LINGO2: variants seen among roughly 807,000 people sequenced by gnomAD.
LINGO2 encodes leucine rich repeat and Ig domain containing 2, also known as leucine-rich repeat and immunoglobulin-like domain-containing nogo receptor-interacting protein 2.
In LINGO2, 14 loss-of-function variants were observed where a neutral mutation model predicts 30.6. The observed-to-expected ratio is 0.46, with a 90% CI of 0.30 to 0.72. The LOEUF (loss-of-function observed/expected upper bound fraction) is 0.72, where lower values mean the gene tolerates loss of function less well. Among genes scored for constraint, LINGO2 ranks in the 30% least tolerant of loss-of-function variants. The pLI, the probability that LINGO2 is intolerant of heterozygous loss-of-function variation, is 0.07. For missense variants in LINGO2, 729 were observed against 751.7 expected, an observed-to-expected ratio of 0.97 and a Z score of 0.35; for synonymous variants, 317 against 288.5, an observed-to-expected ratio of 1.10 and a Z score of -1.00.
At chr9:28,112,010 T>G (rs1382696542) in intron 4 of LINGO2, among the ~76,000 whole-genome samples, 1 of 134,206 alleles carries the variant, frequency 7.5e-6, no homozygotes, top group East Asian at 2.3e-4. Context: ...CTGCACCCAC[T>G]AATGTGTCAT....
chr9:28,469,390 G>C (rs1450331997), intron 2 of LINGO2, among the ~76,000 whole-genome samples: 3 of 152,036 alleles, frequency 2.0e-5, no homozygotes, highest in Non-Finnish European at 4.4e-5. Flanking sequence ...GAGATAAAGT[G>C]ATACAGAGAT....
At chr9:28,353,848 T>G (rs1820033053) in intron 3 of LINGO2, among the ~76,000 whole-genome samples, 1 of 152,126 alleles carries the variant, frequency 6.6e-6, no homozygotes, top group South Asian at 2.1e-4. Flanking sequence ...TTCATGTCCT[T>G]TGTAGGGACA....
chr9:29,030,033 G>A, the LINGO2 span, among the ~76,000 whole-genome samples: 2 of 151,960 alleles, frequency 1.3e-5, no homozygotes, highest in Non-Finnish European at 2.9e-5. Flanking sequence ...GGTGTTAGAA[G>A]AAAAAGCTTA....
intron 4 of LINGO2, among the ~76,000 whole-genome samples, chr9:28,048,105 G>C (rs149274851): frequency 6.6e-6 from 1 of 150,800 alleles, no homozygotes; most frequent in Non-Finnish European, 1.5e-5. Flanking sequence ...GTGAGAAGGG[G>C]TAGGAAAATT....
the LINGO2 span, among the ~76,000 whole-genome samples, chr9:28,970,429 A>G: frequency 1.3e-5 from 2 of 152,186 alleles, no homozygotes; most frequent in Non-Finnish European, 2.9e-5. Context: ...ACAAAAAATC[A>G]GGTGAGCACT....
At chr9:29,140,922 C>T in the LINGO2 span, among the ~76,000 whole-genome samples, 1 of 151,966 alleles carries the variant, frequency 6.6e-6, no homozygotes, top group South Asian at 2.1e-4. Context: ...AAATACTGTA[C>T]CCCAGAAACT....
At chr9:28,404,733 C>A (rs1308513635) in intron 2 of LINGO2, among the ~76,000 whole-genome samples, 1 of 152,120 alleles carries the variant, frequency 6.6e-6, no homozygotes, top group East Asian at 1.9e-4. Context: ...ACAATCAGCT[C>A]TTTATTGTAA....
At chr9:28,844,103 C>T in the LINGO2 span, among the ~76,000 whole-genome samples, 871 of 151,810 alleles carry the variant, frequency 5.7e-3, 28 homozygotes, top group African/African-American at 0.02. Context: ...GGCTCATGAC[C>T]GTAATCTCAG....
At chr9:28,124,404 A>G (rs1827183516) in intron 4 of LINGO2, among the ~76,000 whole-genome samples, 1 of 152,194 alleles carries the variant, frequency 6.6e-6, no homozygotes, top group Non-Finnish European at 1.5e-5. Context: ...TCCACTGGCA[A>G]TTTCAAAATC....
the LINGO2 span, among the ~76,000 whole-genome samples, chr9:28,988,276 T>C: frequency 2.0e-5 from 3 of 152,204 alleles, no homozygotes; most frequent in Admixed American, 6.5e-5. Flanking sequence ...TTTCATACAA[T>C]ATAATAGCTT....
the LINGO2 span, among the ~76,000 whole-genome samples, chr9:29,205,856 CAA>C: frequency 1.2e-4 from 18 of 152,260 alleles, no homozygotes; most frequent in Middle Eastern, 3.4e-3. Flanking sequence ...TCCATTGTCC[CAA>C]AAGATTCCTT....
the LINGO2 span, among the ~76,000 whole-genome samples, chr9:29,103,581 G>T: frequency 6.6e-6 from 1 of 151,230 alleles, no homozygotes; most frequent in African/African-American, 2.4e-5. Context: ...TTTATTTTAG[G>T]TATTTAAATA....
At chr9:28,168,034 G>A (rs1828480550) in intron 4 of LINGO2, among the ~76,000 whole-genome samples, 1 of 152,140 alleles carries the variant, frequency 6.6e-6, no homozygotes, top group Non-Finnish European at 1.5e-5. Flanking sequence ...TCCCTGAAAA[G>A]ACAATTTCTC....
intron 1 of LINGO2, among the ~76,000 whole-genome samples, chr9:28,608,703 A>C (rs1228006322): frequency 6.6e-6 from 1 of 151,916 alleles, no homozygotes; most frequent in East Asian, 1.9e-4. Flanking sequence ...ACATTCCTTA[A>C]GCTAAAACTA....
chr9:27,987,294 C>A (rs952952558), intron 5 of LINGO2, among the ~76,000 whole-genome samples: 1 of 151,660 alleles, frequency 6.6e-6, no homozygotes, highest in Non-Finnish European at 1.5e-5. Flanking sequence ...CCCGTCTTTC[C>A]TTCCTCTCTT....
At chr9:28,040,208 C>T (rs1391724407) in intron 4 of LINGO2, among the ~76,000 whole-genome samples, 1 of 152,128 alleles carries the variant, frequency 6.6e-6, no homozygotes, top group Non-Finnish European at 1.5e-5. Flanking sequence ...TAGAAGCTAG[C>T]TGCAGTCTCT....
intron 4 of LINGO2, among the ~76,000 whole-genome samples, chr9:28,051,745 T>C (rs1824684651): frequency 6.6e-6 from 1 of 152,076 alleles, no homozygotes; most frequent in African/African-American, 2.4e-5. Flanking sequence ...TTCTTTCCAA[T>C]AACTCAGCAT....
intron 4 of LINGO2, among the ~76,000 whole-genome samples, chr9:28,087,878 T>C (rs1455118948): frequency 6.6e-6 from 1 of 152,092 alleles, no homozygotes; most frequent in Non-Finnish European, 1.5e-5. Flanking sequence ...CCTCCATGGC[T>C]ACCTAAGATA....
chr9:28,546,161 C>G (rs575014351), intron 1 of LINGO2, among the ~76,000 whole-genome samples: 1 of 151,906 alleles, frequency 6.6e-6, no homozygotes, highest in East Asian at 1.9e-4. Context: ...AGAAAAAAGG[C>G]CTTTAGATCG....
Sources: gnomAD v4.1 joint callset for allele counts (sites outside exome capture counted in the v4.1 genomes callset) on GRCh38, gnomAD v4.1.1 for gene constraint, MANE v1.5 for transcripts, NCBI Gene and HGNC (gene_info 2026-07-23, HGNC 2026-07-21) for gene names.